The following SOBP variants were observed in gnomAD, a reference collection of about 807,000 sequenced individuals.
SOBP encodes sine oculis binding protein homolog, also known as sine oculis-binding protein homolog.
SOBP carries 4 observed loss-of-function variants against 53.6 expected under a neutral mutation model. The observed-to-expected ratio is 0.07, with a 90% confidence interval of 0.04 to 0.17. The LOEUF is 0.17. Ranked by LOEUF, SOBP falls within the 10% of genes least tolerant of loss-of-function variation. SOBP has a pLI of 1.00. For missense variants in SOBP, 1,088 were observed against 1,204.7 expected (o/e 0.90, Z 1.43); for synonymous variants, 584 against 522.6 (o/e 1.12, Z -1.60).
chr6:107,624,138 G>T (rs1441642810), intron 5 of SOBP, among the ~76,000 whole-genome samples: 1 of 152,198 alleles, frequency 6.6e-6, no homozygotes, highest in East Asian at 1.9e-4. Flanking sequence ...AAAAGCGAAG[G>T]CCTAACAGTG....
intron 5 of SOBP, among the ~76,000 whole-genome samples, chr6:107,591,981 T>TGTTTTG (rs1554185227): frequency 6.9e-6 from 1 of 145,234 alleles, no homozygotes; most frequent in African/African-American, 2.7e-5. Context: ...TTTTTTTTTT[T>TGTTTTG]TTTTTTTTTT....
At chr6:107,637,681 AAAG>A (rs1442301094) in intron 6 of SOBP, among the ~76,000 whole-genome samples, 2 of 152,264 alleles carry the variant, frequency 1.3e-5, no homozygotes, top group African/African-American at 2.4e-5. Context: ...GTGAGGCTGA[AAAG>A]AAGAAGAATG....
At chr6:107,587,471 G>A (rs1382721453) in intron 5 of SOBP, among the ~76,000 whole-genome samples, 1 of 152,142 alleles carries the variant, frequency 6.6e-6, no homozygotes, top group African/African-American at 2.4e-5. Context: ...TATAGAGAAA[G>A]ACAGTTGATA....
rs1427559633 is a variant in SOBP, at chr6:107,616,080, GGGGT to G, written c.670-17430_670-17427del. Among the ~76,000 whole-genome samples the G allele has an allele frequency of 1.8e-3, 197 of 107,126 alleles. 6 individuals are homozygous for G. Among genetic ancestry groups the G allele is most frequent in the African/African-American group, 8.0e-3 (186 of 23,122 alleles). The allele number at this position is 107,126 out of a possible 152,430, so 70.3% of individuals were successfully genotyped here. A position where few individuals can be genotyped will look rare whatever the true frequency, so the allele number is the denominator to read the frequency against. ...AAGGATGCCTACTCATTGAGGAAGGGGGGTGGGGGGGGGGCGGGGGGGCGGCTTC... is the reference window on the plus strand; with the variant it reads ...AAGGATGCCTACTCATTGAGGAAGGGGGGGGGGGGGCGGGGGGGCGGCTTC... On this transcript the variant is annotated intron_variant, in intron 5 of 6. Transcript: ENST00000317357.
chr6:107,521,934 A>G (rs958007146), intron 3 of SOBP, among the ~76,000 whole-genome samples: 2 of 150,230 alleles, frequency 1.3e-5, no homozygotes, highest in Admixed American at 6.6e-5. Context: ...ACACACACAC[A>G]CACACACACA....
intron 4 of SOBP, among the ~76,000 whole-genome samples, chr6:107,578,257 T>C (rs1785298789): frequency 6.8e-6 from 1 of 146,576 alleles, no homozygotes; most frequent in East Asian, 2.1e-4. Flanking sequence ...TTCCCCCCAT[T>C]CTGTTATATT....
intron 4 of SOBP, among the ~76,000 whole-genome samples, chr6:107,550,353 G>C (rs146072447): frequency 1.4e-4 from 21 of 152,346 alleles, no homozygotes; most frequent in African/African-American, 5.1e-4. Context: ...CTGCTCAGAA[G>C]AGTGTCTGTT....
chr6:107,583,738 G>T (rs1057237502), intron 4 of SOBP, among the ~76,000 whole-genome samples: 1 of 152,036 alleles, frequency 6.6e-6, no homozygotes, highest in African/African-American at 2.4e-5. Flanking sequence ...TCCCTGTGTT[G>T]CCCAGGCTTT....
At chr6:107,499,886 A>G (rs1417844203) in intron 1 of SOBP, among the ~76,000 whole-genome samples, 1 of 152,124 alleles carries the variant, frequency 6.6e-6, no homozygotes, top group African/African-American at 2.4e-5. Flanking sequence ...CTGCATTTTA[A>G]CTACTATTAC....
At chr6:107,520,357 C>T (rs1020713942) in intron 3 of SOBP, among the ~76,000 whole-genome samples, 2 of 152,132 alleles carry the variant, frequency 1.3e-5, no homozygotes, top group African/African-American at 4.8e-5. Context: ...TAAATTTTCT[C>T]TTTTACAGCA....
At chr6:107,555,307 C>T (rs1226455472) in intron 4 of SOBP, among the ~76,000 whole-genome samples, 1 of 152,102 alleles carries the variant, frequency 6.6e-6, no homozygotes, top group Non-Finnish European at 1.5e-5. Context: ...GCATATTATT[C>T]ATAGAAGAGT....
intron 4 of SOBP, among the ~76,000 whole-genome samples, chr6:107,533,963 A>G (rs1783918840): frequency 1.3e-5 from 2 of 152,142 alleles, no homozygotes; most frequent in Admixed American, 1.3e-4. Context: ...AAAGCCAAGT[A>G]ATTAGCCACA....
At chr6:107,500,676 T>G (rs9480778) in intron 1 of SOBP, among the ~76,000 whole-genome samples, 10 of 151,210 alleles carry the variant, frequency 6.6e-5, no homozygotes, top group African/African-American at 2.4e-4. Flanking sequence ...CGCCCGCCAC[T>G]ACGCCCGGCT....
chr6:107,571,688 C>T (rs997514709), intron 4 of SOBP, among the ~76,000 whole-genome samples: 8 of 152,132 alleles, frequency 5.3e-5, no homozygotes, highest in South Asian at 2.1e-4. Flanking sequence ...CCGGGGTCTC[C>T]GTGGAGTCTT....
chr6:107,525,107 G>A (rs1202533692), intron 3 of SOBP, among the ~76,000 whole-genome samples: 1 of 152,140 alleles, frequency 6.6e-6, no homozygotes, highest in Admixed American at 6.5e-5. Flanking sequence ...TCTGTGGAAC[G>A]TGCTTTTGGA....
intron 4 of SOBP, among the ~76,000 whole-genome samples, chr6:107,534,281 T>G (rs1234909393): frequency 2.0e-5 from 3 of 152,228 alleles, no homozygotes; most frequent in Non-Finnish European, 4.4e-5. Context: ...CCTTTTTGAA[T>G]AGTGTTAGCC....
intron 5 of SOBP, among the ~76,000 whole-genome samples, chr6:107,607,093 T>C (rs1786412574): frequency 6.6e-6 from 1 of 152,190 alleles, no homozygotes; most frequent in African/African-American, 2.4e-5. Context: ...CTCTGGGTGA[T>C]GTTATTGATA....
At chr6:107,518,519 T>G (rs1386461990) in intron 3 of SOBP, among the ~76,000 whole-genome samples, 1 of 152,216 alleles carries the variant, frequency 6.6e-6, no homozygotes, top group East Asian at 1.9e-4. Context: ...AATTCTATCT[T>G]AGGTATGTGC....
chr6:107,503,849 C>T, intron 2 of SOBP, 54 bp downstream of exon 2: 1 of 1,605,064 alleles, frequency 6.2e-7, no homozygotes, highest in Non-Finnish European at 8.5e-7. Context: ...ACTATCTCAA[C>T]CTGCCAGAAT....
Sources: allele counts gnomAD v4.1 joint callset (sites outside exome capture counted in the v4.1 genomes callset), GRCh38; gene constraint gnomAD v4.1.1; transcripts MANE v1.5; gene names NCBI Gene and HGNC (gene_info 2026-07-23, HGNC 2026-07-21).